The following TIAM1 variants were observed in gnomAD, a reference collection of about 807,000 sequenced individuals.
TIAM1 encodes TIAM Rac1 associated GEF 1.
Under a neutral mutation model 163.5 loss-of-function variants are expected in TIAM1, and 65 were observed. That is an observed-to-expected ratio of 0.40 (90% CI 0.33 to 0.49). The LOEUF (loss-of-function observed/expected upper bound fraction) is 0.49, where lower values mean the gene tolerates loss of function less well. Ranked by LOEUF, TIAM1 falls within the 20% of genes least tolerant of loss-of-function variation. TIAM1 has a pLI of 0.77. For missense variants in TIAM1, 1,789 were observed against 2,044.7 expected (o/e 0.87, Z 2.41); for synonymous variants, 833 against 810.1 (o/e 1.03, Z -0.48).
At position 31,118,814 on chromosome 21, in the gene TIAM1, C is replaced by A. The variant is rs531735101; in HGVS notation, c.*1554G>T. 6 of 358,272 alleles carry A rather than the reference C, an allele frequency of 1.7e-5. No individual in the cohort carries two copies. The highest frequency in any genetic ancestry group is 3.3e-5 in the Non-Finnish European group (6 of 182,004). 22.2% of individuals were successfully genotyped at this position (358,272 alleles called of 1,614,324 possible). ...CTTTCAAAAGATCAAGCTCGAAGCC[C>A]TGGAAACCCGAAAGGCGGGGGGAAT... is the stretch of plus-strand genomic sequence containing the variant. On this transcript the variant is annotated 3_prime_UTR_variant, in exon 28 of 28. Transcript: ENST00000541036.
intron 2 of TIAM1, among the ~76,000 whole-genome samples, chr21:31,430,247 T>TACACACAC (rs1202910634): frequency 9.4e-6 from 1 of 106,936 alleles, no homozygotes; most frequent in Non-Finnish European, 1.9e-5. Context: ...TATATATATA[T>TACACACAC]ACACACACAC....
chr21:31,122,677 A>G (rs2082047367), intron 27 of TIAM1, among the ~76,000 whole-genome samples: 2 of 152,252 alleles, frequency 1.3e-5, no homozygotes, highest in South Asian at 4.1e-4. Context: ...AACGTATAGT[A>G]CTTTAGGCTG....
At chr21:31,325,164 G>A (rs1379391146) in intron 2 of TIAM1, among the ~76,000 whole-genome samples, 2 of 151,486 alleles carry the variant, frequency 1.3e-5, no homozygotes, top group African/African-American at 4.9e-5. Context: ...TGCAGCCGTA[G>A]TCCCACCTAC....
At chr21:31,500,393 C>T (rs1394843359) in intron 1 of TIAM1, among the ~76,000 whole-genome samples, 2 of 152,106 alleles carry the variant, frequency 1.3e-5, no homozygotes, top group African/African-American at 2.4e-5. Context: ...ACACAGCATC[C>T]GCCATGCAGT....
chr21:31,369,434 AG>A (rs11364663), intron 2 of TIAM1, among the ~76,000 whole-genome samples: 22,893 of 151,914 alleles, frequency 0.15, 2,500 homozygotes, highest in East Asian at 0.51. Context: ...GGATAAGGAA[AG>A]GTTGCTTAAC....
intron 1 of TIAM1, among the ~76,000 whole-genome samples, chr21:31,509,031 C>A (rs2047125215): frequency 6.6e-6 from 1 of 152,164 alleles, no homozygotes; most frequent in South Asian, 2.1e-4. Flanking sequence ...AGGTGAGACC[C>A]CCTGGAGGGA....
At chr21:31,542,393 C>T (rs1338960824) in intron 1 of TIAM1, among the ~76,000 whole-genome samples, 1 of 151,618 alleles carries the variant, frequency 6.6e-6, no homozygotes, top group East Asian at 1.9e-4. Context: ...CGCCACTGCA[C>T]TCCAGCCTGG....
chr21:31,423,124 A>C (rs1308472897), intron 2 of TIAM1, among the ~76,000 whole-genome samples: 2 of 100,840 alleles, frequency 2.0e-5, no homozygotes, highest in Non-Finnish European at 3.6e-5. Context: ...TTTGAGACGG[A>C]GTCTGGCTCT....
At chr21:31,542,799 T>A (rs1024772066) in intron 1 of TIAM1, among the ~76,000 whole-genome samples, 8 of 151,908 alleles carry the variant, frequency 5.3e-5, no homozygotes, top group Non-Finnish European at 1.2e-4. Context: ...CAAAACCCTG[T>A]CTCTACTAAA....
At chr21:31,403,447 G>T (rs527255963) in intron 2 of TIAM1, among the ~76,000 whole-genome samples, 180 of 151,994 alleles carry the variant, frequency 1.2e-3, no homozygotes, top group Non-Finnish European at 2.2e-3. Context: ...GCTCCCGGCC[G>T]ATGACATACT....
intron 22 of TIAM1, 120 bp downstream of exon 22, chr21:31,140,995 AAAC>A: frequency 1.4e-6 from 1 of 724,480 alleles, no homozygotes; most frequent in Non-Finnish European, 2.2e-6. Flanking sequence ...CCACTAAGAA[AAAC>A]AACAGCATCC....
At chr21:31,210,636 A>G (rs1223945637) in intron 10 of TIAM1, among the ~76,000 whole-genome samples, 782 of 25,246 alleles carry the variant, frequency 0.031, 15 homozygotes, top group South Asian at 0.041. Context: ...AAAGAAAGAA[A>G]GAAAGAAAGA....
At chr21:31,197,241 A>G (rs34379434) in intron 12 of TIAM1, among the ~76,000 whole-genome samples, 27,207 of 152,190 alleles carry the variant, frequency 0.18, 3,593 homozygotes, top group East Asian at 0.4. Flanking sequence ...ATCTAAAATA[A>G]GAGTTAAAAT....
chr21:31,236,456 G>A (rs1490301124), intron 6 of TIAM1, among the ~76,000 whole-genome samples: 1 of 152,030 alleles, frequency 6.6e-6, no homozygotes, highest in Non-Finnish European at 1.5e-5. Context: ...CAAAGAGAAT[G>A]AAGACCTCGC....
At chr21:31,430,247 T>TACAC (rs1202910634) in intron 2 of TIAM1, among the ~76,000 whole-genome samples, 132 of 106,902 alleles carry the variant, frequency 1.2e-3, no homozygotes, top group South Asian at 2.1e-3. Context: ...TATATATATA[T>TACAC]ACACACACAC....
chr21:31,529,014 C>T (rs150298384), intron 1 of TIAM1, among the ~76,000 whole-genome samples: 8,748 of 150,194 alleles, frequency 0.058, 470 homozygotes, highest in Admixed American at 0.15. Flanking sequence ...CTCCGCCTCC[C>T]GGGTTCACGC....
At chr21:31,375,368 C>G (rs2076665724) in intron 2 of TIAM1, among the ~76,000 whole-genome samples, 1 of 152,090 alleles carries the variant, frequency 6.6e-6, no homozygotes, top group Non-Finnish European at 1.5e-5. Flanking sequence ...GTATATATCT[C>G]CGTGTAGTAT....
At chr21:31,341,704 T>G (rs558959988) in intron 1 of TIAM1, among the ~76,000 whole-genome samples, 1 of 152,306 alleles carries the variant, frequency 6.6e-6, no homozygotes, top group South Asian at 2.1e-4. Context: ...TGAAAAAACA[T>G]AATCTATGTC....
At chr21:31,279,228 TCTGA>T (rs1047714716) in intron 2 of TIAM1, among the ~76,000 whole-genome samples, 4 of 152,234 alleles carry the variant, frequency 2.6e-5, no homozygotes, top group African/African-American at 9.6e-5. Flanking sequence ...ATAACTTCTT[TCTGA>T]CTTTCGTGGG....
Sources: allele counts gnomAD v4.1 joint callset (sites outside exome capture counted in the v4.1 genomes callset), GRCh38; gene constraint gnomAD v4.1.1; transcripts MANE v1.5; gene names NCBI Gene and HGNC (gene_info 2026-07-23, HGNC 2026-07-21).